TMCC1: variants seen among roughly 807,000 people sequenced by gnomAD.
The protein encoded by TMCC1 is transmembrane and coiled-coil domain family 1.
A neutral mutation model predicts 52.4 loss-of-function variants in TMCC1; 15 were observed. The ratio of observed to expected loss-of-function variants is 0.29; its 90% confidence interval spans 0.19 to 0.44. TMCC1 has a LOEUF of 0.44. Among genes scored for constraint, TMCC1 ranks in the 20% least tolerant of loss-of-function variants. The pLI, the probability that TMCC1 is intolerant of heterozygous loss-of-function variation, is 1.00. For missense variants in TMCC1, 503 were observed against 806.0 expected, an observed-to-expected ratio of 0.62 and a Z score of 4.55; for synonymous variants, 279 against 301.9, an observed-to-expected ratio of 0.92 and a Z score of 0.79.
chr3:129,724,626 T>C (rs947643791), intron 4 of TMCC1, among the ~76,000 whole-genome samples: 17 of 152,230 alleles, frequency 1.1e-4, no homozygotes, highest in Non-Finnish European at 7.3e-5. Flanking sequence ...TCATCATTTC[T>C]TTTTAGTTCA....
chr3:129,686,095 C>T (rs183685112), intron 4 of TMCC1, among the ~76,000 whole-genome samples: 2 of 152,168 alleles, frequency 1.3e-5, no homozygotes, highest in African/African-American at 4.8e-5. Context: ...CCTGCATTCA[C>T]GTAGGTTCTC....
At chr3:129,781,832 C>G (rs1458233275) in intron 4 of TMCC1, among the ~76,000 whole-genome samples, 3 of 152,110 alleles carry the variant, frequency 2.0e-5, no homozygotes, top group South Asian at 4.2e-4. Flanking sequence ...TGCTGGGAGA[C>G]TAGCTAGGAG....
chr3:129,796,789 C>A (rs564880239), intron 4 of TMCC1, among the ~76,000 whole-genome samples: 1 of 152,280 alleles, frequency 6.6e-6, no homozygotes, highest in Admixed American at 6.5e-5. Flanking sequence ...TGCAGTGAGG[C>A]ATGATGCTCC....
chr3:129,885,591 T>C (rs950196265), intron 1 of TMCC1, among the ~76,000 whole-genome samples: 7 of 151,774 alleles, frequency 4.6e-5, no homozygotes, highest in East Asian at 1.9e-4. Context: ...TCTCAAAAAA[T>C]AGAAAAAAGG....
At chr3:129,759,709 ACTTTTTTT>A (rs2053348814) in intron 4 of TMCC1, among the ~76,000 whole-genome samples, 2 of 98,372 alleles carry the variant, frequency 2.0e-5, no homozygotes, top group African/African-American at 7.9e-5. Flanking sequence ...AGCCAGCCAA[ACTTTTTTT>A]TTTTTTTTTT....
At chr3:129,785,674 T>C (rs776510513) in intron 4 of TMCC1, among the ~76,000 whole-genome samples, 18 of 152,062 alleles carry the variant, frequency 1.2e-4, no homozygotes, top group Admixed American at 2.6e-4. Flanking sequence ...TTCAAATAAT[T>C]AGAAGACAGT....
rs556826198 is a variant in TMCC1 at position 129,789,759 on chromosome 3, C to T, written c.576+38044G>A. Among the ~76,000 whole-genome samples the T allele has an allele frequency of 7.9e-5, 12 of 152,234 alleles. No homozygotes were observed. The South Asian group carries it at 2.1e-3, about 26-fold the overall frequency. On this transcript the variant is annotated intron_variant, in intron 4 of 6. Transcript: ENST00000393238. ...CCTCCCAAAGTGCTGGGATTACAGG[C>T]GTGAGCCACCGTGCCCGGCTCTCCA...
At chr3:129,726,140 T>C (rs999031665) in intron 4 of TMCC1, among the ~76,000 whole-genome samples, 1 of 152,168 alleles carries the variant, frequency 6.6e-6, no homozygotes, top group African/African-American at 2.4e-5. Context: ...TCATACCTTA[T>C]CTGTAGAGGA....
At chr3:129,849,625 G>GCAT (rs1440852937) in intron 2 of TMCC1, among the ~76,000 whole-genome samples, 1 of 151,754 alleles carries the variant, frequency 6.6e-6, no homozygotes, top group Non-Finnish European at 1.5e-5. Flanking sequence ...AATTAGCCGG[G>GCAT]GGTGGTGGCG....
chr3:129,837,695 C>T (rs574712251), intron 2 of TMCC1, among the ~76,000 whole-genome samples: 29 of 152,146 alleles, frequency 1.9e-4, no homozygotes, highest in African/African-American at 6.0e-4. Flanking sequence ...GCCAGACCCA[C>T]GTATGACATA....
intron 4 of TMCC1, 26 bp downstream of exon 4, chr3:129,827,777 A>G: frequency 6.2e-7 from 1 of 1,600,510 alleles, no homozygotes; most frequent in Non-Finnish European, 8.5e-7. Flanking sequence ...GTAAGTTAAC[A>G]GAAAAACAAA....
At chr3:129,731,845 G>T (rs1032250881) in intron 4 of TMCC1, among the ~76,000 whole-genome samples, 3 of 151,920 alleles carry the variant, frequency 2.0e-5, no homozygotes, top group Non-Finnish European at 4.4e-5. Context: ...GGCTGGTCTT[G>T]AACTCCTGAG....
intron 4 of TMCC1, among the ~76,000 whole-genome samples, chr3:129,825,064 G>T (rs1179944694): frequency 6.6e-6 from 1 of 151,972 alleles, no homozygotes; most frequent in Non-Finnish European, 1.5e-5. Flanking sequence ...ATCACCCCGG[G>T]GTTAATCAAT....
intron 4 of TMCC1, among the ~76,000 whole-genome samples, chr3:129,814,580 A>G (rs1576954758): frequency 6.6e-6 from 1 of 152,176 alleles, no homozygotes; most frequent in African/African-American, 2.4e-5. Flanking sequence ...AAATGGACTC[A>G]ATTCTCCAAT....
At chr3:129,777,166 T>A (rs2055107554) in intron 4 of TMCC1, among the ~76,000 whole-genome samples, 1 of 152,202 alleles carries the variant, frequency 6.6e-6, no homozygotes, top group Admixed American at 6.5e-5. Context: ...GAATCTTAAG[T>A]ATCACAAGTG....
chr3:129,733,368 ATTCTC>A (rs371684950), intron 4 of TMCC1, among the ~76,000 whole-genome samples: 51 of 152,340 alleles, frequency 3.3e-4, no homozygotes, highest in Non-Finnish European at 6.9e-4. Flanking sequence ...ATGGCAGACT[ATTCTC>A]TGCTTTCTTA....
chr3:129,770,700 A>C (rs1222339117), intron 4 of TMCC1, among the ~76,000 whole-genome samples: 2 of 152,202 alleles, frequency 1.3e-5, no homozygotes, highest in African/African-American at 2.4e-5. Flanking sequence ...AACACTCCTA[A>C]ACCATAGATT....
At chr3:129,720,460 C>T (rs1446544459) in intron 4 of TMCC1, among the ~76,000 whole-genome samples, 1 of 152,060 alleles carries the variant, frequency 6.6e-6, no homozygotes, top group East Asian at 1.9e-4. Context: ...AGGTTGTCTA[C>T]GTGGATGAGT....
intron 2 of TMCC1, among the ~76,000 whole-genome samples, chr3:129,853,825 C>T (rs914722154): frequency 2.6e-5 from 4 of 152,016 alleles, no homozygotes; most frequent in African/African-American, 9.7e-5. Flanking sequence ...ACCTGTCTTC[C>T]TTCAGTATTC....
Sources: gnomAD v4.1 joint callset for allele counts (sites outside exome capture counted in the v4.1 genomes callset) on GRCh38, gnomAD v4.1.1 for gene constraint, MANE v1.5 for transcripts, NCBI Gene and HGNC (gene_info 2026-07-23, HGNC 2026-07-21) for gene names.